APBB2: variants seen among roughly 807,000 people sequenced by gnomAD.
APBB2 encodes the protein amyloid beta precursor protein binding family B member 2, also known as Fe65-like 1.
In APBB2, 38 loss-of-function variants were observed where a neutral mutation model predicts 82.5. That is an observed-to-expected ratio of 0.46 (90% CI 0.36 to 0.60). The LOEUF is 0.60. APBB2 is among the 20% of genes least tolerant of loss of function. The probability of loss-of-function intolerance (pLI) is 0.00; values close to 1 mark genes in which losing one functional copy is unlikely to be tolerated. For missense variants in APBB2, 772 were observed against 972.3 expected (o/e 0.79, Z 2.74); for synonymous variants, 341 against 368.2 (o/e 0.93, Z 0.85).
chr4:41,056,235 ACTT>A (rs1727821426), intron 4 of APBB2, among the ~76,000 whole-genome samples: 1 of 152,046 alleles, frequency 6.6e-6, no homozygotes, highest in Admixed American at 6.6e-5. Flanking sequence ...AATAAATGTA[ACTT>A]CTTATTAAGA....
intron 1 of APBB2, among the ~76,000 whole-genome samples, chr4:41,150,199 T>A (rs993392623): frequency 3.9e-5 from 6 of 152,246 alleles, no homozygotes; most frequent in African/African-American, 1.2e-4. Flanking sequence ...AATGGGCAAC[T>A]GTTTTCTGAA....
chr4:40,883,677 G>A, intron 12 of APBB2, among the ~76,000 whole-genome samples: 1 of 139,010 alleles, frequency 7.2e-6, no homozygotes, highest in Non-Finnish European at 1.5e-5. Flanking sequence ...GCTGCTAGTA[G>A]AAGACATGGC....
intron 4 of APBB2, among the ~76,000 whole-genome samples, chr4:41,051,077 C>T (rs1046316107): frequency 6.6e-6 from 1 of 152,144 alleles, no homozygotes; most frequent in Non-Finnish European, 1.5e-5. Context: ...CTCAACAGAA[C>T]TTAAGGGCAG....
chr4:40,885,514 G>A (rs1056032776), intron 12 of APBB2, among the ~76,000 whole-genome samples: 38 of 152,206 alleles, frequency 2.5e-4, no homozygotes, highest in South Asian at 2.1e-4. Flanking sequence ...ACCCGATCTC[G>A]CAAGACTGTT....
intron 3 of APBB2, among the ~76,000 whole-genome samples, chr4:41,091,252 T>C (rs78762626): frequency 0.014 from 2,158 of 152,288 alleles, 29 homozygotes; most frequent in East Asian, 0.034. Flanking sequence ...TGCGAGGTAA[T>C]TGTCCACAAT....
intron 12 of APBB2, among the ~76,000 whole-genome samples, chr4:40,873,474 C>T (rs1469065873): frequency 1.3e-5 from 2 of 152,204 alleles, no homozygotes; most frequent in Non-Finnish European, 2.9e-5. Flanking sequence ...AAGCTCAACG[C>T]TGTACAGAGA....
chr4:40,932,570 C>T (rs1784456812), intron 10 of APBB2, among the ~76,000 whole-genome samples: 1 of 152,080 alleles, frequency 6.6e-6, no homozygotes, highest in African/African-American at 2.4e-5. Flanking sequence ...TACTTGTAGA[C>T]ACAGATCTGC....
chr4:41,213,153 GT>G (rs765430966), intron 1 of APBB2, among the ~76,000 whole-genome samples: 1 of 150,058 alleles, frequency 6.7e-6, no homozygotes. Context: ...CATTGTGTTT[GT>G]TTTTTTTAAA....
rs755841592 is a variant in APBB2, at chr4:41,060,627, T to C, written c.-51+4949A>G. ...GACAAATTATATACATGTGCCAAAA[T>C]ATAAAAGGAATTTAGGACACAAGCA... On this transcript the variant is annotated intron_variant, in intron 4 of 17. Coordinates refer to ENST00000508593, the MANE Select transcript of APBB2 (RefSeq NM_004307.2). 9.9e-5 allele frequency among the ~76,000 whole-genome samples: 15 copies of C among 151,940 alleles called. 1 individual carries two copies. The highest frequency in any genetic ancestry group is 5.9e-5 in the Non-Finnish European group (4 of 67,996).
intron 3 of APBB2, among the ~76,000 whole-genome samples, chr4:41,098,299 C>T (rs921944863): frequency 1.3e-5 from 2 of 152,110 alleles, no homozygotes; most frequent in Non-Finnish European, 2.9e-5. Context: ...ACCCTCCCAT[C>T]TCAGCCTCTG....
At chr4:41,096,848 A>T (rs10026501) in intron 3 of APBB2, among the ~76,000 whole-genome samples, 30,837 of 152,150 alleles carry the variant, frequency 0.2, 3,271 homozygotes, top group African/African-American at 0.26. Flanking sequence ...GGTTATTTAA[A>T]TCTAATTTTG....
At chr4:40,851,892 T>C (rs1759585089) in intron 12 of APBB2, among the ~76,000 whole-genome samples, 1 of 152,168 alleles carries the variant, frequency 6.6e-6, no homozygotes, top group East Asian at 1.9e-4. Context: ...AGTTCTACTT[T>C]ACAGCTATAA....
At chr4:40,949,591 G>A (rs539718266) in intron 6 of APBB2, among the ~76,000 whole-genome samples, 2 of 152,120 alleles carry the variant, frequency 1.3e-5, no homozygotes, top group South Asian at 4.2e-4. Flanking sequence ...GTGGACCAAC[G>A]AGACGAGAGG....
intron 6 of APBB2, among the ~76,000 whole-genome samples, chr4:40,979,607 T>C (rs1222242108): frequency 6.6e-6 from 1 of 152,190 alleles, no homozygotes; most frequent in East Asian, 1.9e-4. Flanking sequence ...CAGCAGATAT[T>C]CCCATGCTGG....
intron 10 of APBB2, among the ~76,000 whole-genome samples, chr4:40,919,609 C>A (rs1032329014): frequency 6.6e-6 from 1 of 152,196 alleles, no homozygotes; most frequent in Non-Finnish European, 1.5e-5. Flanking sequence ...TGGGACTGGG[C>A]TAAGCCCCAC....
intron 10 of APBB2, among the ~76,000 whole-genome samples, chr4:40,921,350 C>T (rs1453081142): frequency 1.3e-5 from 2 of 152,176 alleles, no homozygotes; most frequent in African/African-American, 4.8e-5. Flanking sequence ...TTTAGGTTCT[C>T]GGAATCCCAG....
intron 7 of APBB2, 151 bp downstream of exon 7, chr4:40,944,714 A>G: frequency 6.9e-6 from 5 of 728,690 alleles, no homozygotes; most frequent in Non-Finnish European, 1.2e-5. Context: ...ACTATTTACT[A>G]AGAGGAAGCA....
intron 10 of APBB2, among the ~76,000 whole-genome samples, chr4:40,928,729 A>T (rs978407498): frequency 2.0e-5 from 3 of 151,642 alleles, no homozygotes; most frequent in Non-Finnish European, 4.4e-5. Flanking sequence ...TACTAAAAAT[A>T]AAAAAATTAG....
chr4:41,169,077 C>T (rs1767518860), intron 1 of APBB2, among the ~76,000 whole-genome samples: 1 of 150,700 alleles, frequency 6.6e-6, no homozygotes, highest in Admixed American at 6.7e-5. Context: ...CCTAGCTACT[C>T]AGGAGGCTGA....
Sources: allele counts gnomAD v4.1 joint callset (sites outside exome capture counted in the v4.1 genomes callset), GRCh38; gene constraint gnomAD v4.1.1; transcripts MANE v1.5; gene names NCBI Gene and HGNC (gene_info 2026-07-23, HGNC 2026-07-21).